The following CTNNA3 variants were observed in gnomAD, a reference collection of about 807,000 sequenced individuals.
CTNNA3 encodes catenin alpha 3.
In CTNNA3, 76 loss-of-function variants were observed where a neutral mutation model predicts 95.7. The ratio of observed to expected loss-of-function variants is 0.79; its 90% confidence interval spans 0.66 to 0.96. The LOEUF is 0.96. Among genes scored for constraint, CTNNA3 ranks in the 40% least tolerant of loss-of-function variants. The pLI is 0.00. For synonymous variants in CTNNA3, 431 were observed against 374.4 expected, an observed-to-expected ratio of 1.15 and a Z score of -1.74; for missense variants, 1,191 against 1,089.8, an observed-to-expected ratio of 1.09 and a Z score of -1.31.
chr10:66,556,794 T>C (rs537913828), intron 10 of CTNNA3, among the ~76,000 whole-genome samples: 19 of 152,124 alleles, frequency 1.2e-4, no homozygotes, highest in African/African-American at 4.6e-4. Flanking sequence ...GGTCTAGCGA[T>C]CTAACTTTCA....
At chr10:65,982,764 G>GA (rs146972279) in intron 16 of CTNNA3, among the ~76,000 whole-genome samples, 12 of 145,036 alleles carry the variant, frequency 8.3e-5, no homozygotes, top group Non-Finnish European at 7.6e-5. Context: ...AAAACCTCTT[G>GA]AAAAAAAAAA....
chr10:66,313,860 G>A (rs1182959302), intron 12 of CTNNA3, among the ~76,000 whole-genome samples: 1 of 152,088 alleles, frequency 6.6e-6, no homozygotes, highest in Non-Finnish European at 1.5e-5. Flanking sequence ...GCTACAAGAA[G>A]GCAAATGGGT....
chr10:66,169,240 A>G (rs1373411502), intron 13 of CTNNA3, among the ~76,000 whole-genome samples: 2 of 152,184 alleles, frequency 1.3e-5, no homozygotes, highest in Admixed American at 1.3e-4. Context: ...TTGCATCCTC[A>G]GAGCTTAGGT....
At chr10:66,979,717 A>G (rs1194148788) in intron 7 of CTNNA3, among the ~76,000 whole-genome samples, 1 of 152,200 alleles carries the variant, frequency 6.6e-6, no homozygotes, top group East Asian at 1.9e-4. Flanking sequence ...GCACACATTG[A>G]GTGCCCAATA....
intron 7 of CTNNA3, among the ~76,000 whole-genome samples, chr10:66,845,991 G>T (rs908495571): frequency 1.3e-5 from 2 of 151,824 alleles, no homozygotes; most frequent in Non-Finnish European, 2.9e-5. Flanking sequence ...ATTTAGCCGG[G>T]CATGGTGGCA....
At chr10:67,479,971 T>A (rs1241167283) in intron 5 of CTNNA3, among the ~76,000 whole-genome samples, 1 of 151,802 alleles carries the variant, frequency 6.6e-6, no homozygotes, top group Middle Eastern at 3.2e-3. Flanking sequence ...TCAATGCACA[T>A]AAACTAGAAA....
At chr10:66,476,358 C>A (rs1839326914) in intron 11 of CTNNA3, among the ~76,000 whole-genome samples, 1 of 151,968 alleles carries the variant, frequency 6.6e-6, no homozygotes, top group Admixed American at 6.6e-5. Flanking sequence ...TGCACATTTA[C>A]CCTGAAACTG....
intron 2 of CTNNA3, among the ~76,000 whole-genome samples, chr10:67,635,946 G>T (rs993761912): frequency 7.2e-5 from 11 of 152,106 alleles, no homozygotes; most frequent in African/African-American, 2.7e-4. Context: ...AGCTCCTTAA[G>T]CTGATAAGCA....
intron 7 of CTNNA3, among the ~76,000 whole-genome samples, chr10:67,155,962 T>C (rs939022749): frequency 6.6e-6 from 1 of 152,148 alleles, no homozygotes; most frequent in African/African-American, 2.4e-5. Context: ...ACTGATTCAA[T>C]CTCTATACTA....
intron 7 of CTNNA3, among the ~76,000 whole-genome samples, chr10:66,820,627 A>T (rs1842274253): frequency 6.7e-6 from 1 of 148,938 alleles, no homozygotes; most frequent in East Asian, 2.2e-4. Context: ...ACATACTCCA[A>T]AAAGGAAGTG....
chr10:66,741,391 A>G (rs1463448578), intron 9 of CTNNA3, among the ~76,000 whole-genome samples: 1 of 152,220 alleles, frequency 6.6e-6, no homozygotes, highest in Admixed American at 6.5e-5. Flanking sequence ...GTACCATGGA[A>G]GAAAACGTCT....
chr10:66,101,194 A>G (rs1055033247), intron 14 of CTNNA3, among the ~76,000 whole-genome samples: 2 of 152,206 alleles, frequency 1.3e-5, no homozygotes, highest in Non-Finnish European at 1.5e-5. Context: ...AATGATGCCA[A>G]CTAGATTTGA....
Position 65,951,358 on chromosome 10 carries a change from A to T in CTNNA3, c.2400+15254T>A, listed in dbSNP as rs137913113. ...CCAAACTTGATAGATGAAGAAATGG[A>T]CCCAAAGAGATTAATGTCTAGACTA... On this transcript the variant is annotated intron_variant, in intron 17 of 17. Coordinates refer to ENST00000433211, the MANE Select transcript of CTNNA3 (RefSeq NM_013266.4). Among the ~76,000 whole-genome samples the T allele has an allele frequency of 6.3e-3, 956 of 152,264 alleles. 10 individuals carry two copies. The highest frequency in any genetic ancestry group is 0.021 in the African/African-American group (855 of 41,562).
intron 7 of CTNNA3, among the ~76,000 whole-genome samples, chr10:67,031,061 C>T (rs1853697031): frequency 6.6e-6 from 1 of 152,154 alleles, no homozygotes; most frequent in African/African-American, 2.4e-5. Flanking sequence ...CCTCTGAACA[C>T]ACATTTTACC....
chr10:67,731,089 T>C (rs532119167), intron 1 of CTNNA3, among the ~76,000 whole-genome samples: 4 of 152,038 alleles, frequency 2.6e-5, no homozygotes, highest in Admixed American at 6.6e-5. Context: ...ACTCAAGAAA[T>C]AGTTGTATAA....
chr10:66,851,201 T>A (rs556576020), intron 7 of CTNNA3, among the ~76,000 whole-genome samples: 1 of 152,230 alleles, frequency 6.6e-6, no homozygotes, highest in African/African-American at 2.4e-5. Flanking sequence ...CCAAACACTT[T>A]ATGAGCATCC....
intron 7 of CTNNA3, among the ~76,000 whole-genome samples, chr10:66,901,507 A>G (rs181952288): frequency 6.6e-6 from 1 of 152,234 alleles, no homozygotes. Context: ...TAATGACAGG[A>G]TCAAATTCAC....
At chr10:66,514,989 G>A (rs949516792) in intron 11 of CTNNA3, among the ~76,000 whole-genome samples, 1 of 151,962 alleles carries the variant, frequency 6.6e-6, no homozygotes, top group Admixed American at 6.6e-5. Flanking sequence ...GAAGACATTT[G>A]TCATTAGAGA....
At chr10:67,345,101 C>A (rs1222046993) in intron 5 of CTNNA3, among the ~76,000 whole-genome samples, 3 of 151,912 alleles carry the variant, frequency 2.0e-5, no homozygotes. Flanking sequence ...TTCATTGACC[C>A]AGTGGTCATT....
Sources: gnomAD v4.1 joint callset for allele counts (sites outside exome capture counted in the v4.1 genomes callset) on GRCh38, gnomAD v4.1.1 for gene constraint, MANE v1.5 for transcripts, NCBI Gene and HGNC (gene_info 2026-07-23, HGNC 2026-07-21) for gene names.